RNF41: variants seen among roughly 807,000 people sequenced by gnomAD.
RNF41 encodes the protein ring finger protein 41, also known as E3 ubiquitin-protein ligase NRDP1.
A neutral mutation model predicts 33.0 loss-of-function variants in RNF41; 4 were observed. The ratio of observed to expected loss-of-function variants is 0.12; its 90% CI spans 0.06 to 0.28. The LOEUF (loss-of-function observed/expected upper bound fraction) is 0.28, where lower values mean the gene tolerates loss of function less well. RNF41 is among the 10% of genes least tolerant of loss of function. The probability of loss-of-function intolerance (pLI) is 1.00; values close to 1 mark genes in which losing one functional copy is unlikely to be tolerated. For missense variants in RNF41, 228 were observed against 432.6 expected (o/e 0.53, Z 4.19); for synonymous variants, 164 against 153.2 (o/e 1.07, Z -0.52).
chr12:56,219,074 C>T (rs911133366), intron 1 of RNF41, among the ~76,000 whole-genome samples: 1 of 151,496 alleles, frequency 6.6e-6, no homozygotes, highest in Non-Finnish European at 1.5e-5. Flanking sequence ...GCAATCTCCT[C>T]AGCTCACTCC....
chr12:56,208,213 C>T lies in RNF41; in HGVS notation c.448G>A (p.Ala150Thr), dbSNP rs923146310. 7 of 1,614,204 alleles carry T rather than the reference C, an allele frequency of 4.3e-6. No homozygotes were observed. Among genetic ancestry groups the T allele is most frequent in the African/African-American group, 1.3e-5 (1 of 75,044 alleles). ...TCAGCTGACGTCTTCTCCAGCTCTGCGATGCGTGTCTGCTGCTGCTGTACC... is the reference window on the plus strand; with the variant it reads ...TCAGCTGACGTCTTCTCCAGCTCTGTGATGCGTGTCTGCTGCTGCTGTACC... Reference protein sequence around the residue: ...SVVQQQQTRIAELEKTSAEHK... With the variant: ...SVVQQQQTRITELEKTSAEHK... The change falls in exon 5 of 7, where the codon GCA becomes ACA. Residue 150 changes from alanine to threonine, a missense_variant. This residue lies in a region of RNF41 where 199 missense variants were observed against 334.6 expected (regional missense o/e 0.59). Transcript: ENST00000345093.
chr12:56,221,109 C>T (rs923397893), intron 1 of RNF41, among the ~76,000 whole-genome samples: 3 of 152,190 alleles, frequency 2.0e-5, no homozygotes, highest in African/African-American at 7.2e-5. Context: ...CGCCTTCACC[C>T]CTCCTGGCTT....
chr12:56,202,404 A>G lies in RNF41; in HGVS notation c.*4043T>C, dbSNP rs1878630623. 1 of 152,096 alleles carries G rather than the reference A, an allele frequency of 6.6e-6. No homozygotes were observed. Among genetic ancestry groups the G allele is most frequent in the Non-Finnish European group, 1.5e-5 (1 of 68,016 alleles). 9.4% of individuals were successfully genotyped at this position (152,096 alleles called of 1,614,324 possible). A position where few individuals can be genotyped will look rare whatever the true frequency, so the allele number is the denominator to read the frequency against. On this transcript the variant is annotated 3_prime_UTR_variant, in exon 7 of 7. Coordinates refer to ENST00000345093, the MANE Select transcript of RNF41 (RefSeq NM_005785.4). Reference sequence around the variant, plus strand: ...GTTCTCCTGACCTTAAAAGTTTAGAACAGGTTGGCAAATTTTTTTCTGTAA... The same window carrying G: ...GTTCTCCTGACCTTAAAAGTTTAGAGCAGGTTGGCAAATTTTTTTCTGTAA...
chr12:56,203,391 T>C lies in RNF41; in HGVS notation c.*3056A>G, dbSNP rs1044922840. ...AGGGAAAGGTAGCAGCAAATACTTA[T>C]GAAGACTGGTTTTTTTTTTTTTTTT... is the stretch of plus-strand genomic sequence containing the variant. On this transcript the variant is annotated 3_prime_UTR_variant, in exon 7 of 7. Coordinates refer to ENST00000345093, the MANE Select transcript of RNF41 (RefSeq NM_005785.4). 6 of 130,626 alleles carry C rather than the reference T, an allele frequency of 4.6e-5. No individual in the cohort carries two copies. The highest frequency in any genetic ancestry group is 1.3e-4 in the African/African-American group (5 of 37,142). The allele number at this position is 130,626 out of a possible 1,614,324, so 8.1% of individuals were successfully genotyped here. A position where few individuals can be genotyped will look rare whatever the true frequency, so the allele number is the denominator to read the frequency against.
Position 56,207,222 on chromosome 12 carries a change from A to C in RNF41, c.602+424T>G, listed in dbSNP as rs1832061146. The C allele has an allele frequency of 6.8e-6, 9 of 1,327,298 alleles. No individual in the cohort carries two copies. In the South Asian group the frequency reaches 1.1e-4, roughly 16 times the overall value. The allele number at this position is 1,327,298 out of a possible 1,614,324, so 82.2% of individuals were successfully genotyped here. ...AGAACTGAAAGAGATCTTAGACTTC[A>C]CTTGTATACTTCGCTTGTTTTTGCT... On this transcript the variant is annotated intron_variant, in intron 6 of 6. Transcript: ENST00000345093.
intron 1 of RNF41, among the ~76,000 whole-genome samples, chr12:56,216,815 T>C (rs1011539538): frequency 7.2e-5 from 11 of 151,960 alleles, no homozygotes; most frequent in African/African-American, 2.7e-4. Flanking sequence ...CGGGGTCCAG[T>C]AGATTTGAAC....
intron 3 of RNF41, among the ~76,000 whole-genome samples, chr12:56,213,612 C>T (rs1026371304): frequency 1.3e-5 from 2 of 152,028 alleles, no homozygotes; most frequent in Admixed American, 6.6e-5. Context: ...AGTTCAATCA[C>T]GGACAGGAAG....
chr12:56,208,936 C>T (rs1391013114), intron 4 of RNF41, among the ~76,000 whole-genome samples: 2 of 149,182 alleles, frequency 1.3e-5, no homozygotes, highest in Non-Finnish European at 3.0e-5. Flanking sequence ...ACGGTCTCAG[C>T]TCACTGCAAC....
At chr12:56,218,944 C>T (rs1304620461) in intron 1 of RNF41, among the ~76,000 whole-genome samples, 1 of 150,348 alleles carries the variant, frequency 6.7e-6, no homozygotes, top group African/African-American at 2.4e-5. Context: ...CCTTGTGATC[C>T]GCCCGCCTCG....
intron 4 of RNF41, among the ~76,000 whole-genome samples, chr12:56,209,398 C>T (rs574557613): frequency 6.6e-6 from 1 of 151,958 alleles, no homozygotes; most frequent in Non-Finnish European, 1.5e-5. Context: ...TTAAGTGATT[C>T]TCATGCCTCA....
At chr12:56,217,024 C>T (rs1247367187) in intron 1 of RNF41, among the ~76,000 whole-genome samples, 2 of 152,042 alleles carry the variant, frequency 1.3e-5, no homozygotes, top group Admixed American at 6.5e-5. Flanking sequence ...CCTGTAGTCC[C>T]AGCTACTCGG....
chr12:56,207,844 A>G lies in RNF41; in HGVS notation c.499-95T>C, dbSNP rs2135800737. The G allele has an allele frequency of 4.1e-6, 4 of 978,100 alleles. No homozygotes were observed. The South Asian group carries it at 5.1e-5, about 13-fold the overall frequency. The allele number at this position is 978,100 out of a possible 1,614,324, so 60.6% of individuals were successfully genotyped here. ...AGAATGAGGGCAACTGAGAGATCTG[A>G]AGAACAACCAGTTTGTAAGCTTCAG... On this transcript the variant is annotated intron_variant, in intron 5 of 6. Transcript: ENST00000345093.
intron 1 of RNF41, among the ~76,000 whole-genome samples, chr12:56,220,781 G>A (rs1191679117): frequency 6.6e-6 from 1 of 151,372 alleles, no homozygotes; most frequent in Non-Finnish European, 1.5e-5. Context: ...ACTGAGAGTC[G>A]GAGAGGAAAT....
At position 56,206,224 on chromosome 12, in the gene RNF41, T is replaced by C; in HGVS notation, c.*223A>G. On this transcript the variant is annotated 3_prime_UTR_variant, in exon 7 of 7. Coordinates refer to ENST00000345093, the MANE Select transcript of RNF41 (RefSeq NM_005785.4). The surrounding 1 kb of genome is among the most constrained non-coding windows in gnomAD (Gnocchi z 5.7). ...GGCTTTCCCACCCAGACTGATAATT[T>C]ATAGACATTTTAGGGGAATATGGCA... is the stretch of plus-strand genomic sequence containing the variant. The C allele has an allele frequency of 1.9e-6, 1 of 529,190 alleles. No individual in the cohort carries two copies. The highest frequency in any genetic ancestry group is 2.7e-5 in the South Asian group (1 of 37,588). 32.8% of individuals were successfully genotyped at this position (529,190 alleles called of 1,614,324 possible). A position where few individuals can be genotyped will look rare whatever the true frequency, so the allele number is the denominator to read the frequency against.
At chr12:56,208,080 G>A in intron 5 of RNF41, 83 bp downstream of exon 5, 1 of 1,537,186 alleles carries the variant, frequency 6.5e-7, no homozygotes, top group Non-Finnish European at 9.0e-7. Context: ...TGGTCTGTGT[G>A]TTCACAACTG....
In RNF41 at chr12:56,209,884, G is replaced by C. The variant is rs185262115; in HGVS notation, c.362+413C>G. Among the ~76,000 whole-genome samples, 23 of 152,310 alleles carry C rather than the reference G, an allele frequency of 1.5e-4. No individual in the cohort carries two copies. The East Asian group carries it at 3.5e-3, about 23-fold the overall frequency. ...CTCCCAAAGTGCTAGGATTACAGGT[G>C]TGAGCTAACATGCCCTTCAGCTATC... On this transcript the variant is annotated intron_variant, in intron 4 of 6. Coordinates refer to ENST00000345093, the MANE Select transcript of RNF41 (RefSeq NM_005785.4).
Position 56,204,987 on chromosome 12 carries a change from T to G in RNF41, c.*1460A>C, listed in dbSNP as rs1878778782. Reference sequence around the variant, plus strand: ...CTGCCAGTCACTCTAGGGATCAAGGTATACCCCAGGTAACCTGAAATGGAA... The same window carrying G: ...CTGCCAGTCACTCTAGGGATCAAGGGATACCCCAGGTAACCTGAAATGGAA... On this transcript the variant is annotated 3_prime_UTR_variant, in exon 7 of 7. Transcript: ENST00000345093. 1 of 152,198 alleles carries G rather than the reference T, an allele frequency of 6.6e-6. No individual in the cohort carries two copies. The highest frequency in any genetic ancestry group is 1.5e-5 in the Non-Finnish European group (1 of 68,056). The allele number at this position is 152,198 out of a possible 1,614,324, so 9.4% of individuals were successfully genotyped here.
rs1012927302 is a variant in RNF41, at chr12:56,205,336, G to C, written c.*1111C>G. The stretch of plus-strand genomic sequence containing the variant: ...GTAAGTTCAGCCGAGGACTCCCTTG[G>C]CTCTTCCTATATTAAAGCCAAAGGT... On this transcript the variant is annotated 3_prime_UTR_variant, in exon 7 of 7. Coordinates refer to ENST00000345093, the MANE Select transcript of RNF41 (RefSeq NM_005785.4). 6.6e-5 allele frequency: 10 copies of C among 152,030 alleles called. No homozygotes were observed. Among genetic ancestry groups the C allele is most frequent in the African/African-American group, 2.4e-4 (10 of 41,374 alleles). The allele number at this position is 152,030 out of a possible 1,614,324, so 9.4% of individuals were successfully genotyped here.
At position 56,208,284 on chromosome 12, in the gene RNF41, T is replaced by C. The variant is rs1868314556; in HGVS notation, c.377A>G (p.Lys126Arg). The C allele has an allele frequency of 6.2e-7, 1 of 1,614,138 alleles. No individual in the cohort carries two copies. The highest frequency in any genetic ancestry group is 8.5e-7 in the Non-Finnish European group (1 of 1,180,034). ...GCAGTTATGGTTGGGCAGCTCATCTTTGGGCATCTCCAGGCTGCAGACCAG... is the reference window on the plus strand; with the variant it reads ...GCAGTTATGGTTGGGCAGCTCATCTCTGGGCATCTCCAGGCTGCAGACCAG... ...CEQGCGLEMP[K>R]DELPNHNCIK... is the part of the protein sequence containing the mutation. Residue 126 changes from lysine to arginine, a missense_variant, in exon 5 of 7, where the codon AAA becomes AGA. Coordinates refer to ENST00000345093, the MANE Select transcript of RNF41 (RefSeq NM_005785.4).
Sources: gnomAD v4.1 joint callset for allele counts (sites outside exome capture counted in the v4.1 genomes callset) on GRCh38, gnomAD v4.1.1 for gene constraint, gnomAD v4.1.1 regional missense constraint, Gnocchi (gnomAD v3.1) non-coding constraint, MANE v1.5 for transcripts, NCBI Gene and HGNC (gene_info 2026-07-23, HGNC 2026-07-21) for gene names.